KCTD8: variants seen among roughly 807,000 people sequenced by gnomAD.
The protein encoded by KCTD8 is potassium channel tetramerization domain containing 8.
In KCTD8, 27 loss-of-function variants were observed where a neutral mutation model predicts 31.5. That is an observed-to-expected ratio of 0.86 (90% CI 0.63 to 1.18). The LOEUF is 1.18. Ranked by LOEUF, KCTD8 falls within the 50% of genes most tolerant of loss-of-function variation. KCTD8 has a pLI of 0.00. For missense variants in KCTD8, 658 were observed against 647.7 expected (o/e 1.02, Z -0.17); for synonymous variants, 290 against 280.0 (o/e 1.04, Z -0.36).
intron 1 of KCTD8, among the ~76,000 whole-genome samples, chr4:44,266,992 A>C (rs1285016184): frequency 2.0e-5 from 3 of 151,780 alleles, no homozygotes; most frequent in Middle Eastern, 3.2e-3. Context: ...CAACGAGACA[A>C]AAAGTTAACA....
chr4:44,441,595 C>T (rs59132143), intron 1 of KCTD8, among the ~76,000 whole-genome samples: 17,905 of 151,954 alleles, frequency 0.12, 2,285 homozygotes, highest in African/African-American at 0.3. Context: ...TATTTTTCAA[C>T]GTTTTAAGAG....
intron 1 of KCTD8, among the ~76,000 whole-genome samples, chr4:44,295,168 C>A (rs114022840): frequency 1.3e-5 from 2 of 151,956 alleles, no homozygotes; most frequent in Non-Finnish European, 2.9e-5. Flanking sequence ...TGCTGGCACA[C>A]GATTGTAGTT....
At chr4:44,274,840 A>T (rs147727857) in intron 1 of KCTD8, among the ~76,000 whole-genome samples, 75 of 152,034 alleles carry the variant, frequency 4.9e-4, no homozygotes, top group African/African-American at 1.7e-3. Context: ...AAGCAAAAAA[A>T]AAAATCCACT....
rs1722023876 is a variant in KCTD8 at position 44,448,639 on chromosome 4, G to C, written c.-116C>G. On this transcript the variant is annotated 5_prime_UTR_variant, in exon 1 of 2. Transcript: ENST00000360029. This position sits in a 1 kb window ranked among gnomAD's most constrained non-coding sequence, Gnocchi z 4.1. ...TCTGCGCCCTCGGACTGGGCGGCGCGTTCCTCCGACCGGGGCGGCCCCGCT... is the reference window on the plus strand; with the variant it reads ...TCTGCGCCCTCGGACTGGGCGGCGCCTTCCTCCGACCGGGGCGGCCCCGCT... 1.7e-6 allele frequency: 2 copies of C among 1,148,304 alleles called. No individual in the cohort carries two copies. Among genetic ancestry groups the C allele is most frequent in the Non-Finnish European group, 2.2e-6 (2 of 902,736 alleles). 71.1% of individuals were successfully genotyped at this position (1,148,304 alleles called of 1,614,324 possible). A position where few individuals can be genotyped will look rare whatever the true frequency, so the allele number is the denominator to read the frequency against.
chr4:44,187,192 T>G (rs1338376933), intron 1 of KCTD8, among the ~76,000 whole-genome samples: 1 of 152,124 alleles, frequency 6.6e-6, no homozygotes, highest in African/African-American at 2.4e-5. Flanking sequence ...TGTGGAAAAA[T>G]AATTTTCTTT....
chr4:44,294,937 C>T (rs1298553265), intron 1 of KCTD8, among the ~76,000 whole-genome samples: 2 of 151,902 alleles, frequency 1.3e-5, no homozygotes, highest in African/African-American at 4.8e-5. Context: ...GTTAAAACAC[C>T]AATGAACTAG....
intron 1 of KCTD8, among the ~76,000 whole-genome samples, chr4:44,429,032 G>C (rs1467346818): frequency 6.6e-6 from 1 of 151,548 alleles, no homozygotes; most frequent in Non-Finnish European, 1.5e-5. Context: ...GAGATCTCTG[G>C]GTGGCATGGA....
chr4:44,261,899 T>C (rs1436544906), intron 1 of KCTD8, among the ~76,000 whole-genome samples: 2 of 152,078 alleles, frequency 1.3e-5, no homozygotes, highest in Non-Finnish European at 1.5e-5. Flanking sequence ...ATTGTACATC[T>C]TGAATATATA....
intron 1 of KCTD8, among the ~76,000 whole-genome samples, chr4:44,335,622 GTT>G (rs1718718137): frequency 6.6e-6 from 1 of 152,018 alleles, no homozygotes; most frequent in Non-Finnish European, 1.5e-5. Flanking sequence ...CAAAATGACA[GTT>G]TTCTTTGAGA....
rs114317063 is a variant in KCTD8 at position 44,272,888 on chromosome 4, C to T, written c.962-97638G>A. Among the ~76,000 whole-genome samples, 107 of 152,092 alleles carry T rather than the reference C, an allele frequency of 7.0e-4. 1 individual carries two copies. The highest frequency in any genetic ancestry group is 2.5e-3 in the African/African-American group (104 of 41,508). On this transcript the variant is annotated intron_variant, in intron 1 of 1. Coordinates refer to ENST00000360029, the MANE Select transcript of KCTD8 (RefSeq NM_198353.3). ...ATACGAAAACATAAATTCTTTTTCT[C>T]AATCGAATGAGCATTTAATAGGGCC...
chr4:44,339,509 G>A (rs1267442399), intron 1 of KCTD8, among the ~76,000 whole-genome samples: 4 of 152,046 alleles, frequency 2.6e-5, no homozygotes, highest in African/African-American at 9.7e-5. Context: ...CATAACAATT[G>A]AATATATATA....
At chr4:44,327,834 T>G (rs1718488463) in intron 1 of KCTD8, among the ~76,000 whole-genome samples, 1 of 151,776 alleles carries the variant, frequency 6.6e-6, no homozygotes, top group Non-Finnish European at 1.5e-5. Flanking sequence ...CTGTGAAAGT[T>G]TAATCTATCA....
intron 1 of KCTD8, among the ~76,000 whole-genome samples, chr4:44,227,026 A>C (rs555242609): frequency 1.3e-5 from 2 of 152,170 alleles, no homozygotes; most frequent in African/African-American, 4.8e-5. Context: ...TTTGCTGTGC[A>C]GAAGCTCTTT....
chr4:44,223,463 A>C (rs1215669857), intron 1 of KCTD8, among the ~76,000 whole-genome samples: 2 of 152,110 alleles, frequency 1.3e-5, no homozygotes, highest in Non-Finnish European at 1.5e-5. Context: ...CTTAACAGAC[A>C]CTCTGAAACG....
At chr4:44,431,628 C>A (rs1480762994) in intron 1 of KCTD8, among the ~76,000 whole-genome samples, 2 of 151,484 alleles carry the variant, frequency 1.3e-5, no homozygotes, top group African/African-American at 4.8e-5. Flanking sequence ...AAAGAATATT[C>A]TAGTCTCCTG....
At chr4:44,376,165 A>G (rs1422774242) in intron 1 of KCTD8, among the ~76,000 whole-genome samples, 1 of 152,108 alleles carries the variant, frequency 6.6e-6, no homozygotes, top group East Asian at 1.9e-4. Context: ...TGGACCGTGC[A>G]TGTTCCTTTC....
At chr4:44,260,578 C>A (rs866771149) in intron 1 of KCTD8, among the ~76,000 whole-genome samples, 1 of 151,820 alleles carries the variant, frequency 6.6e-6, no homozygotes, top group Non-Finnish European at 1.5e-5. Flanking sequence ...AAGGCATGAA[C>A]GAAATGAGAG....
At chr4:44,353,067 A>G (rs1719254588) in intron 1 of KCTD8, among the ~76,000 whole-genome samples, 1 of 152,134 alleles carries the variant, frequency 6.6e-6, no homozygotes, top group Non-Finnish European at 1.5e-5. Flanking sequence ...TCACTAGAAT[A>G]AAGATACAGA....
intron 1 of KCTD8, among the ~76,000 whole-genome samples, chr4:44,314,317 G>T (rs1161828399): frequency 6.6e-6 from 1 of 152,174 alleles, no homozygotes; most frequent in Non-Finnish European, 1.5e-5. Context: ...AAAAGTAGAT[G>T]CAGCTGGTGG....
Sources: allele counts gnomAD v4.1 joint callset (sites outside exome capture counted in the v4.1 genomes callset), GRCh38; gene constraint gnomAD v4.1.1; non-coding constraint Gnocchi (gnomAD v3.1); transcripts MANE v1.5; gene names NCBI Gene and HGNC (gene_info 2026-07-23, HGNC 2026-07-21).